The following MEF2A variants were observed in gnomAD, a reference collection of about 807,000 sequenced individuals.
MEF2A encodes myocyte enhancer factor 2A, also known as myocyte-specific enhancer factor 2A.
A neutral mutation model predicts 55.8 loss-of-function variants in MEF2A; 28 were observed. The ratio of observed to expected loss-of-function variants is 0.50; its 90% CI spans 0.37 to 0.69. The LOEUF (loss-of-function observed/expected upper bound fraction) is 0.69, where lower values mean the gene tolerates loss of function less well. MEF2A is among the 30% of genes least tolerant of loss of function. The pLI is 0.00. For synonymous variants in MEF2A, 239 were observed against 227.1 expected, an observed-to-expected ratio of 1.05 and a Z score of -0.47; for missense variants, 528 against 626.2, an observed-to-expected ratio of 0.84 and a Z score of 1.67.
chr15:99,623,340 A>G (rs771519579), intron 2 of MEF2A, among the ~76,000 whole-genome samples: 8 of 152,156 alleles, frequency 5.3e-5, no homozygotes, highest in African/African-American at 1.9e-4. Context: ...CCTTTTGACT[A>G]TTGTGAATAA....
intron 6 of MEF2A, 26 bp from the exon 7 acceptor site, chr15:99,675,373 C>T (rs2051761146): frequency 1.2e-6 from 2 of 1,606,306 alleles, no homozygotes; most frequent in Non-Finnish European, 1.7e-6. Context: ...TCTCTGCCCT[C>T]TGTCTTCTCT....
intron 1 of MEF2A, among the ~76,000 whole-genome samples, chr15:99,573,831 G>C (rs1181629586): frequency 6.6e-6 from 1 of 152,204 alleles, no homozygotes; most frequent in African/African-American, 2.4e-5. Flanking sequence ...CTTACAAATA[G>C]GCTTTTGGAA....
chr15:99,697,044 A>G (rs1043236950), intron 8 of MEF2A, among the ~76,000 whole-genome samples: 1 of 100,750 alleles, frequency 9.9e-6, no homozygotes, highest in Non-Finnish European at 2.5e-5. Context: ...TTGAACATCT[A>G]TTCATCATTT....
At chr15:99,567,399 C>T (rs1477875825) in intron 1 of MEF2A, among the ~76,000 whole-genome samples, 1 of 152,122 alleles carries the variant, frequency 6.6e-6, no homozygotes, top group Non-Finnish European at 1.5e-5. Flanking sequence ...GTACATTACC[C>T]AAGAGTACTT....
At chr15:99,666,776 G>A (rs2153602895) in intron 4 of MEF2A, among the ~76,000 whole-genome samples, 1 of 152,164 alleles carries the variant, frequency 6.6e-6, no homozygotes, top group Non-Finnish European at 1.5e-5. Context: ...CTTTTCCCTA[G>A]AAATATTTTT....
intron 2 of MEF2A, among the ~76,000 whole-genome samples, chr15:99,622,702 C>CTTTTTTTTTTTTTTTTTTTTT (rs56054040): frequency 1.5e-5 from 2 of 135,700 alleles, no homozygotes; most frequent in Non-Finnish European, 3.1e-5. Flanking sequence ...GTTTTCTTTT[C>CTTTTTTTTTTTTTTTTTTTTT]TTTTTTTTTT....
upstream of MEF2A, chr15:99,565,494 AGCGGCGGAGCGGGG>A (rs1959164250): frequency 6.7e-6 from 1 of 149,054 alleles, no homozygotes; most frequent in South Asian, 2.2e-4. Context: ...GCGGCGGCTG[AGCGGCGGAGCGGGG>A]GCGGCAGGGC....
intron 8 of MEF2A, among the ~76,000 whole-genome samples, chr15:99,692,926 T>C (rs1372918803): frequency 6.6e-6 from 1 of 152,112 alleles, no homozygotes; most frequent in African/African-American, 2.4e-5. Context: ...ACATGCTCGG[T>C]ATGGAGCGAT....
At chr15:99,619,553 GC>G (rs912042992) in intron 2 of MEF2A, among the ~76,000 whole-genome samples, 2 of 152,152 alleles carry the variant, frequency 1.3e-5, no homozygotes, top group African/African-American at 4.8e-5. Context: ...ATGCAGCAGG[GC>G]CCTAGAAAAC....
chr15:99,576,455 T>G (rs1180875214), intron 1 of MEF2A, among the ~76,000 whole-genome samples: 2 of 152,214 alleles, frequency 1.3e-5, no homozygotes, highest in Admixed American at 6.5e-5. Context: ...CGAACAAGGT[T>G]GTTGTTTATA....
chr15:99,706,998 T>C (rs2058111735), intron 10 of MEF2A, 143 bp downstream of exon 10: 11 of 1,089,986 alleles, frequency 1.0e-5, no homozygotes, highest in African/African-American at 1.6e-5. Flanking sequence ...TATTTTTCAA[T>C]GTGCTAGCCT....
intron 2 of MEF2A, among the ~76,000 whole-genome samples, chr15:99,606,105 CA>C (rs1975017906): frequency 6.6e-6 from 1 of 152,096 alleles, no homozygotes; most frequent in African/African-American, 2.4e-5. Flanking sequence ...GAAAAGGGTT[CA>C]CATGTACACG....
At chr15:99,699,934 G>C (rs2057121954) in intron 8 of MEF2A, among the ~76,000 whole-genome samples, 1 of 150,060 alleles carries the variant, frequency 6.7e-6, no homozygotes, top group African/African-American at 2.5e-5. Context: ...ATAGTTGAAG[G>C]ATTCAGTAAG....
intron 2 of MEF2A, among the ~76,000 whole-genome samples, chr15:99,616,858 C>CT (rs1010812711): frequency 2.6e-5 from 4 of 152,074 alleles, no homozygotes; most frequent in African/African-American, 7.2e-5. Context: ...AAGAAAAAGC[C>CT]TATCTCCTGA....
At chr15:99,644,675 G>A (rs2045643210) in intron 3 of MEF2A, among the ~76,000 whole-genome samples, 1 of 152,182 alleles carries the variant, frequency 6.6e-6, no homozygotes, top group Non-Finnish European at 1.5e-5. Context: ...TATTCTTACT[G>A]ACCTTTCAAA....
intron 4 of MEF2A, among the ~76,000 whole-genome samples, chr15:99,646,090 AGT>A (rs1214668978): frequency 5.9e-5 from 9 of 151,880 alleles, no homozygotes; most frequent in Non-Finnish European, 1.3e-4. Context: ...ATGAAGTTAC[AGT>A]TTTGGTATGT....
intron 4 of MEF2A, among the ~76,000 whole-genome samples, chr15:99,663,151 A>G (rs192268177): frequency 6.6e-6 from 1 of 152,222 alleles, no homozygotes; most frequent in African/African-American, 2.4e-5. Context: ...CTCCAGCAGT[A>G]TAGGCTCTTC....
At chr15:99,660,767 G>C (rs953307139) in intron 4 of MEF2A, among the ~76,000 whole-genome samples, 4 of 152,182 alleles carry the variant, frequency 2.6e-5, no homozygotes. Flanking sequence ...TAAGTTGAAT[G>C]TATCCTAGTA....
chr15:99,698,778 G>A (rs1477722207), intron 8 of MEF2A, among the ~76,000 whole-genome samples: 1 of 151,540 alleles, frequency 6.6e-6, no homozygotes, highest in African/African-American at 2.4e-5. Context: ...GGCAACAAGA[G>A]TGAAACTCTG....
Sources: allele counts gnomAD v4.1 joint callset (sites outside exome capture counted in the v4.1 genomes callset), GRCh38; gene constraint gnomAD v4.1.1; transcripts MANE v1.5; gene names NCBI Gene and HGNC (gene_info 2026-07-23, HGNC 2026-07-21).